The following ZNF695 variants were observed in gnomAD, a reference collection of about 807,000 sequenced individuals.
ZNF695 encodes zinc finger protein 695, also known as zinc finger protein SBZF3.
A neutral mutation model predicts 11.2 loss-of-function variants in ZNF695; 11 were observed. That is an observed-to-expected ratio of 0.98 (90% CI 0.62 to 1.62). The LOEUF is 1.62. Among genes scored for constraint, ZNF695 ranks in the 40% most tolerant of loss-of-function variants. ZNF695 has a pLI of 0.00. For missense variants in ZNF695, 559 were observed against 590.5 expected, an observed-to-expected ratio of 0.95 and a Z score of 0.55; for synonymous variants, 190 against 201.4, an observed-to-expected ratio of 0.94 and a Z score of 0.48.
chr1:247,004,758 G>A (rs1328280133), intron 1 of ZNF695, among the ~76,000 whole-genome samples: 3 of 152,272 alleles, frequency 2.0e-5, no homozygotes, highest in Non-Finnish European at 2.9e-5. Flanking sequence ...ACTAACATAC[G>A]ATAATCAGTA....
At chr1:246,985,194 G>C, downstream of ZNF695, 1 of 616,476 alleles carries the variant, frequency 1.6e-6, no homozygotes, top group Non-Finnish European at 2.0e-6. Context: ...GTATATTTAT[G>C]TATTTATCTC....
At chr1:246,993,426 AC>A (rs1669099863) in intron 3 of ZNF695, among the ~76,000 whole-genome samples, 1 of 151,792 alleles carries the variant, frequency 6.6e-6, no homozygotes, top group Non-Finnish European at 1.5e-5. Context: ...AAACAAACAA[AC>A]AAACAAAAAA....
rs189413911 is a variant in ZNF695 at position 246,987,294 on chromosome 1, G to T, written c.1221C>A (p.Pro407=). ...CTTTGCCACATTCCTCACATTTGTA[G>T]GGTTTCTGCCCAGTATGAATTCTCT... ...QHKRIHTGQK[P]YKCEECGKAF... Residue 407 remains proline (P), a synonymous_variant, in exon 4 of 4, where the codon CCC becomes CCA. Coordinates refer to ENST00000339986, the MANE Select transcript of ZNF695 (RefSeq NM_020394.5). The T allele has an allele frequency of 1.8e-4, 290 of 1,613,180 alleles. No homozygotes were observed. In the African/African-American group the frequency reaches 3.4e-3, roughly 19 times the overall value.
exon 6 of ZNF695, chr1:246,945,818 C>A (rs927414250): frequency 3.9e-6 from 6 of 1,550,066 alleles, no homozygotes; most frequent in South Asian, 1.2e-5. Flanking sequence ...CGATGGTCGA[C>A]GACTGGACCC....
chr1:246,994,666 T>C (rs994904741), intron 3 of ZNF695, among the ~76,000 whole-genome samples: 3 of 150,672 alleles, frequency 2.0e-5, no homozygotes, highest in Admixed American at 6.6e-5. Flanking sequence ...TGAAACCCCA[T>C]CTCTACTAAA....
intron 4 of ZNF695, chr1:246,979,865 T>C (rs1043768373): frequency 2.6e-5 from 4 of 152,804 alleles, no homozygotes; most frequent in South Asian, 2.1e-4. Flanking sequence ...GCCTTCCCAA[T>C]TACTCATATA....
At chr1:246,995,813 C>CAAA (rs60375785) in intron 3 of ZNF695, among the ~76,000 whole-genome samples, 972 of 62,672 alleles carry the variant, frequency 0.016, no homozygotes, top group Middle Eastern at 0.032. Context: ...GACTCTGTCT[C>CAAA]AAAAAAAAAA....
intron 4 of ZNF695, chr1:246,979,751 T>TGAATTATCCCCATTAC (rs1668656899): frequency 6.5e-6 from 1 of 152,766 alleles, no homozygotes; most frequent in Non-Finnish European, 1.5e-5. Context: ...TTCTTTAAAA[T>TGAATTATCCCCATTAC]GAATTATCCC....
intron 5 of ZNF695, among the ~76,000 whole-genome samples, chr1:246,954,323 G>T (rs1489717299): frequency 6.6e-6 from 1 of 152,210 alleles, no homozygotes; most frequent in Non-Finnish European, 1.5e-5. Flanking sequence ...GAAAGCCAAG[G>T]ACAGGAACAG....
intron 3 of ZNF695, among the ~76,000 whole-genome samples, chr1:246,991,881 G>A (rs1215347301): frequency 2.6e-5 from 4 of 152,146 alleles, no homozygotes; most frequent in African/African-American, 9.7e-5. Context: ...ATCCATCAAT[G>A]GGCAAATGGA....
Position 246,985,552 on chromosome 1 carries a change from A to G in ZNF695, c.*1415T>C, listed in dbSNP as rs1668824506. ...ACCGTAACTAAGGTGAGATAGGTTA[A>G]CGTTGGTGGTAGGATACGCATCACT... On this transcript the variant is annotated 3_prime_UTR_variant, in exon 4 of 4. Transcript: ENST00000339986. 1.0e-6 allele frequency: 1 copy of G among 985,300 alleles called. No individual in the cohort carries two copies. The highest frequency in any genetic ancestry group is 1.2e-6 in the Non-Finnish European group (1 of 829,942). The allele number at this position is 985,300 out of a possible 1,614,324, so 61.0% of individuals were successfully genotyped here.
chr1:246,982,270 C>CAAG (rs1553313538), downstream of ZNF695, among the ~76,000 whole-genome samples: 4 of 111,236 alleles, frequency 3.6e-5, no homozygotes, highest in Non-Finnish European at 5.3e-5. Context: ...AACTTAGTCT[C>CAAG]AAAAAAAAAA....
chr1:247,006,117 C>A (rs373665545), intron 1 of ZNF695, among the ~76,000 whole-genome samples: 220 of 151,176 alleles, frequency 1.5e-3, no homozygotes, highest in African/African-American at 5.2e-3. Flanking sequence ...CCCAGCTACT[C>A]GGGAGGCTGA....
At chr1:246,960,980 T>C (rs1345212882) in intron 5 of ZNF695, among the ~76,000 whole-genome samples, 1 of 152,120 alleles carries the variant, frequency 6.6e-6, no homozygotes, top group Non-Finnish European at 1.5e-5. Context: ...AAAGAATCTA[T>C]GAAGGTCTTT....
intron 1 of ZNF695, among the ~76,000 whole-genome samples, chr1:247,003,430 G>A (rs563623615): frequency 6.6e-6 from 1 of 152,246 alleles, no homozygotes; most frequent in East Asian, 1.9e-4. Context: ...GGGAACAAAA[G>A]ACACTAGGGC....
downstream of ZNF695, among the ~76,000 whole-genome samples, chr1:246,984,995 T>C (rs1668811116): frequency 6.6e-6 from 1 of 152,204 alleles, no homozygotes. Flanking sequence ...ATGCCTTCAA[T>C]ACAAAGCAGA....
At chr1:246,957,337 C>A (rs1668026214) in intron 5 of ZNF695, among the ~76,000 whole-genome samples, 1 of 150,956 alleles carries the variant, frequency 6.6e-6, no homozygotes. Context: ...GAGCTGAGAT[C>A]AGGCTCCTGC....
intron 5 of ZNF695, among the ~76,000 whole-genome samples, chr1:246,958,221 G>A (rs1668054642): frequency 6.6e-6 from 1 of 151,892 alleles, no homozygotes; most frequent in Non-Finnish European, 1.5e-5. Context: ...ACCACGCCCG[G>A]CTAATTTTTT....
intron 4 of ZNF695, among the ~76,000 whole-genome samples, chr1:246,976,534 C>T (rs559591836): frequency 2.6e-5 from 4 of 152,028 alleles, no homozygotes; most frequent in Admixed American, 6.6e-5. Context: ...GTGGCTCACA[C>T]CTGTAATCCC....
Sources: gnomAD v4.1 joint callset for allele counts (sites outside exome capture counted in the v4.1 genomes callset) on GRCh38, gnomAD v4.1.1 for gene constraint, MANE v1.5 for transcripts, NCBI Gene and HGNC (gene_info 2026-07-23, HGNC 2026-07-21) for gene names.